The following RBFOX3 variants were observed in gnomAD, a reference collection of about 807,000 sequenced individuals.
The protein encoded by RBFOX3 is RNA binding protein fox-1 homolog 3.
RBFOX3 carries 17 observed loss-of-function variants against 48.7 expected under a neutral mutation model. The observed-to-expected ratio is 0.35, with a 90% confidence interval of 0.24 to 0.52. The LOEUF is 0.52. RBFOX3 is among the 20% of genes least tolerant of loss of function. The probability of loss-of-function intolerance (pLI) is 0.94; values close to 1 mark genes in which losing one functional copy is unlikely to be tolerated. For missense variants in RBFOX3, 382 were observed against 497.5 expected, an observed-to-expected ratio of 0.77 and a Z score of 2.21; for synonymous variants, 212 against 209.5, an observed-to-expected ratio of 1.01 and a Z score of -0.10.
chr17:79,303,260 T>C (rs756759039), intron 3 of RBFOX3, among the ~76,000 whole-genome samples: 2 of 152,244 alleles, frequency 1.3e-5, no homozygotes, highest in Non-Finnish European at 2.9e-5. Flanking sequence ...TTTAGAAATA[T>C]GTATACCTGA....
At chr17:79,169,425 G>A (rs1599777668) in intron 4 of RBFOX3, among the ~76,000 whole-genome samples, 1 of 152,040 alleles carries the variant, frequency 6.6e-6, no homozygotes, top group South Asian at 2.1e-4. Context: ...GGCAGGACAG[G>A]CCCTCAAACT....
chr17:79,296,580 C>T (rs1433807401), intron 3 of RBFOX3, among the ~76,000 whole-genome samples: 9 of 152,056 alleles, frequency 5.9e-5, no homozygotes, highest in African/African-American at 2.2e-4. Context: ...GGAAAATGCC[C>T]AACGGAAGAG....
Position 79,097,711 on chromosome 17 carries a change from G to C in RBFOX3, c.603C>G (p.Tyr201Ter). 1 of 1,372,500 alleles carries C rather than the reference G, an allele frequency of 7.3e-7. No individual in the cohort carries two copies. The highest frequency in any genetic ancestry group is 1.2e-5 in the South Asian group (1 of 81,802). 85.0% of individuals were successfully genotyped at this position (1,372,500 alleles called of 1,614,324 possible). ...TTTTACCTGCATAGAATTCAGGCCC[G>C]TAGACTGCGCCGACCACTGGATTTA... ...WKLNPVVGAV[Y>*]GPEFYAVTGF... The change falls in exon 10 of 15, where the codon TAC (tyrosine) becomes TAG (stop). Residue 201 changes from tyrosine to a stop codon, truncating the protein, a stop_gained. Transcript: ENST00000693108. LOFTEE classifies it high-confidence loss of function.
chr17:79,110,841 C>T (rs566552409), intron 5 of RBFOX3, among the ~76,000 whole-genome samples: 1 of 152,368 alleles, frequency 6.6e-6, no homozygotes, highest in Non-Finnish European at 1.5e-5. Context: ...CCACTCCCAC[C>T]TCCCAGCCTG....
intron 4 of RBFOX3, among the ~76,000 whole-genome samples, chr17:79,149,983 A>C (rs1488501635): frequency 5.0e-5 from 1 of 20,024 alleles, no homozygotes; most frequent in African/African-American, 1.5e-4. Flanking sequence ...GAGGGTGGGG[A>C]TGGGGATGGG....
At chr17:79,449,667 C>T (rs1471880425) in intron 2 of RBFOX3, among the ~76,000 whole-genome samples, 1 of 71,112 alleles carries the variant, frequency 1.4e-5, no homozygotes, top group Non-Finnish European at 3.3e-5. Flanking sequence ...TCTGGCCACC[C>T]GTAGACCCAA....
At chr17:79,226,525 T>C (rs1325219723) in intron 4 of RBFOX3, among the ~76,000 whole-genome samples, 1 of 152,194 alleles carries the variant, frequency 6.6e-6, no homozygotes, top group Non-Finnish European at 1.5e-5. Context: ...AGAGAACGCA[T>C]GGGGTCTGTG....
At chr17:79,569,406 G>A (rs1294275710) in intron 1 of RBFOX3, among the ~76,000 whole-genome samples, 1 of 152,174 alleles carries the variant, frequency 6.6e-6, no homozygotes, top group Non-Finnish European at 1.5e-5. Flanking sequence ...TAGACTGTCA[G>A]AGCTTCATTC....
chr17:79,175,316 G>A (rs541351282), intron 4 of RBFOX3, among the ~76,000 whole-genome samples: 5 of 152,346 alleles, frequency 3.3e-5, no homozygotes, highest in African/African-American at 4.8e-5. Flanking sequence ...GGGAGCTCAC[G>A]CTAGGCCACC....
At chr17:79,424,897 C>G (rs968430586) in intron 2 of RBFOX3, among the ~76,000 whole-genome samples, 1 of 152,136 alleles carries the variant, frequency 6.6e-6, no homozygotes, top group Non-Finnish European at 1.5e-5. Context: ...CCATGGTCAA[C>G]TGTCTGCAAG....
intron 2 of RBFOX3, among the ~76,000 whole-genome samples, chr17:79,314,680 T>C (rs546987497): frequency 5.3e-5 from 8 of 152,314 alleles, no homozygotes; most frequent in African/African-American, 1.9e-4. Context: ...GCAGAAACCA[T>C]GTTCAGTCAA....
At chr17:79,148,040 G>T (rs1365751887) in intron 4 of RBFOX3, among the ~76,000 whole-genome samples, 5 of 152,208 alleles carry the variant, frequency 3.3e-5, no homozygotes, top group Non-Finnish European at 7.3e-5. Context: ...GATGTACAGG[G>T]CCAGGCTCTG....
rs1477661386 is a variant in RBFOX3 at position 79,418,687 on chromosome 17, C to A, written c.-175+63767G>T. On this transcript the variant is annotated intron_variant, in intron 2 of 14. Coordinates refer to ENST00000693108, the MANE Select transcript of RBFOX3 (RefSeq NM_001350451.2). The surrounding 1 kb of genome is among the most constrained non-coding windows in gnomAD (Gnocchi z 5.0). ...GGGATGGATGTGGCTGTGCCAAGTG[C>A]CCTGGCATCCCCCAAGTCTGGGTGG... 6.6e-6 allele frequency among the ~76,000 whole-genome samples: 1 copy of A among 152,122 alleles called. No individual in the cohort carries two copies. Among genetic ancestry groups the A allele is most frequent in the African/African-American group, 2.4e-5 (1 of 41,430 alleles).
At chr17:79,239,690 GC>G (rs1266491825) in intron 3 of RBFOX3, among the ~76,000 whole-genome samples, 1 of 152,236 alleles carries the variant, frequency 6.6e-6, no homozygotes, top group Non-Finnish European at 1.5e-5. Context: ...AGACTGTGAT[GC>G]CCCCATGGGC....
At chr17:79,128,460 G>A (rs776548510) in intron 4 of RBFOX3, among the ~76,000 whole-genome samples, 6 of 152,192 alleles carry the variant, frequency 3.9e-5, no homozygotes, top group Admixed American at 6.5e-5. Flanking sequence ...AGGGGGACAG[G>A]AGGGCCCGTG....
rs148487256 is a variant in RBFOX3 at position 79,198,775 on chromosome 17, G to A, written c.-34+36991C>T. Among the ~76,000 whole-genome samples the A allele has an allele frequency of 5.3e-5, 8 of 152,192 alleles. No homozygotes were observed. Among genetic ancestry groups the A allele is most frequent in the Non-Finnish European group, 8.8e-5 (6 of 68,020 alleles). On this transcript the variant is annotated intron_variant, in intron 4 of 14. Coordinates refer to ENST00000693108, the MANE Select transcript of RBFOX3 (RefSeq NM_001350451.2). The surrounding 1 kb of genome is among the most constrained non-coding windows in gnomAD (Gnocchi z 8.2). ...CAAGTAGCTGGGATTATAGGCATGT[G>A]CCACCACACCCAGCTAATTTTTTTT...
At chr17:79,267,976 A>G (rs536418400) in intron 3 of RBFOX3, among the ~76,000 whole-genome samples, 4 of 151,894 alleles carry the variant, frequency 2.6e-5, no homozygotes, top group Non-Finnish European at 5.9e-5. Flanking sequence ...CACTTTTTAT[A>G]CCCCCACTAT....
At chr17:79,558,209 C>CGTG (rs2091922557) in intron 1 of RBFOX3, among the ~76,000 whole-genome samples, 1 of 151,394 alleles carries the variant, frequency 6.6e-6, no homozygotes, top group Admixed American at 6.6e-5. Context: ...GAGAGGGCCA[C>CGTG]GTGGCCCAGG....
chr17:79,473,926 C>T lies in RBFOX3; in HGVS notation c.-175+8528G>A, dbSNP rs970788327. Among the ~76,000 whole-genome samples the T allele has an allele frequency of 9.9e-5, 15 of 152,270 alleles. No homozygotes were observed. Among genetic ancestry groups the T allele is most frequent in the Non-Finnish European group, 1.5e-4 (10 of 68,022 alleles). Reference sequence around the variant, plus strand: ...TTTTCCTTCCTCAGGCATTTGCTGACGCTCCTTTTCTGTTCTTTCCCCCAC... The same window carrying T: ...TTTTCCTTCCTCAGGCATTTGCTGATGCTCCTTTTCTGTTCTTTCCCCCAC... On this transcript the variant is annotated intron_variant, in intron 2 of 14. Transcript: ENST00000693108. The surrounding 1 kb of genome is among the most constrained non-coding windows in gnomAD (Gnocchi z 4.2).
Sources: allele counts gnomAD v4.1 joint callset (sites outside exome capture counted in the v4.1 genomes callset), GRCh38; gene constraint gnomAD v4.1.1; non-coding constraint Gnocchi (gnomAD v3.1); transcripts MANE v1.5; gene names NCBI Gene and HGNC (gene_info 2026-07-23, HGNC 2026-07-21).